Variants in KCNK17 observed in about 807,000 individuals in gnomAD.
The protein encoded by KCNK17 is potassium channel subfamily K member 17.
KCNK17 carries 27 observed loss-of-function variants against 24.6 expected under a neutral mutation model. The ratio of observed to expected loss-of-function variants is 1.10; its 90% confidence interval spans 0.81 to 1.51. The LOEUF is 1.51. KCNK17 is among the 40% of genes most tolerant of loss of function. The probability of loss-of-function intolerance (pLI) is 0.00; values close to 1 mark genes in which losing one functional copy is unlikely to be tolerated. For synonymous variants in KCNK17, 181 were observed against 189.8 expected (o/e 0.95, Z 0.38); for missense variants, 450 against 436.6 (o/e 1.03, Z -0.27).
intron 4 of KCNK17, among the ~76,000 whole-genome samples, chr6:39,302,570 G>C (rs990906353): frequency 5.3e-5 from 8 of 152,168 alleles, no homozygotes; most frequent in African/African-American, 1.9e-4. Flanking sequence ...CTATAGGATT[G>C]TGCAGTGCCC....
chr6:39,309,219 G>A (rs2113839375), intron 2 of KCNK17, among the ~76,000 whole-genome samples: 1 of 152,372 alleles, frequency 6.6e-6, no homozygotes, highest in African/African-American at 2.4e-5. Context: ...AGCTACTTGG[G>A]AGGCTGAGGT....
chr6:39,311,115 C>CAT (rs1762131118), intron 1 of KCNK17, 108 bp from the exon 2 acceptor site: 1 of 509,642 alleles, frequency 2.0e-6, no homozygotes, highest in Non-Finnish European at 3.4e-6. Flanking sequence ...CACACACACA[C>CAT]ACACAAACAA....
At chr6:39,300,557 C>A (rs940763811) in intron 4 of KCNK17, 1 of 1,547,276 alleles carries the variant, frequency 6.5e-7, no homozygotes, top group Non-Finnish European at 8.7e-7. Flanking sequence ...AACAATGGAA[C>A]CATAAGAATA....
At chr6:39,311,851 G>A (rs1028929705) in intron 1 of KCNK17, among the ~76,000 whole-genome samples, 18 of 152,110 alleles carry the variant, frequency 1.2e-4, no homozygotes, top group African/African-American at 4.1e-4. Context: ...AGACTGCCTG[G>A]GACCTAGATT....
intron 4 of KCNK17, 32 bp from the exon 5 acceptor site, chr6:39,299,769 C>T: frequency 1.3e-6 from 2 of 1,597,274 alleles, no homozygotes; most frequent in East Asian, 4.5e-5. Context: ...ACGATGGAGG[C>T]CTGGGAAAGT....
intron 1 of KCNK17, among the ~76,000 whole-genome samples, chr6:39,312,533 C>G (rs961953499): frequency 2.0e-5 from 3 of 152,174 alleles, no homozygotes; most frequent in Non-Finnish European, 4.4e-5. Context: ...TCGTATGTAA[C>G]CTCTCTGAGC....
At chr6:39,300,878 C>T (rs1057231378) in intron 4 of KCNK17, among the ~76,000 whole-genome samples, 3 of 152,194 alleles carry the variant, frequency 2.0e-5, no homozygotes, top group Non-Finnish European at 4.4e-5. Context: ...GACATCACTC[C>T]CTACAGACCA....
chr6:39,301,343 T>C (rs1054678888), intron 4 of KCNK17, among the ~76,000 whole-genome samples: 25 of 152,364 alleles, frequency 1.6e-4, no homozygotes, highest in African/African-American at 5.8e-4. Context: ...TGTCTACTCC[T>C]CATCCTGTCC....
chr6:39,299,828 A>C, intron 4 of KCNK17, 91 bp from the exon 5 acceptor site: 1 of 1,370,032 alleles, frequency 7.3e-7, no homozygotes, highest in Non-Finnish European at 1.0e-6. Flanking sequence ...TTTGATTCAT[A>C]TAAGCAAGTT....
chr6:39,299,195 C>T lies in KCNK17; in HGVS notation c.*232G>A. ...GCCATCATATCGGCGGCATTGCAGC[C>T]CGCTAAAGTAAGGAAGTGGGGGAGA... On this transcript the variant is annotated 3_prime_UTR_variant, in exon 5 of 5. Transcript: ENST00000373231. 1 of 529,856 alleles carries T rather than the reference C, an allele frequency of 1.9e-6. No homozygotes were observed. The highest frequency in any genetic ancestry group is 2.4e-5 in the South Asian group (1 of 41,264). 32.8% of individuals were successfully genotyped at this position (529,856 alleles called of 1,614,324 possible).
Position 39,304,565 on chromosome 6 carries a change from A to T in KCNK17, c.443T>A (p.Leu148His). 1 of 1,614,114 alleles carries T rather than the reference A, an allele frequency of 6.2e-7. No homozygotes were observed. Among genetic ancestry groups the T allele is most frequent in the Non-Finnish European group, 8.5e-7 (1 of 1,179,984 alleles). ...LVGIPLNLVVLNRLGHLMQQG... is the reference protein window; with the variant it reads ...LVGIPLNLVVHNRLGHLMQQG... ...CTGCATGAGATGCCCCAGTCGGTTG[A>T]GCACCACGAGGTTGAGTGGGATCCC... The change falls in exon 3 of 5, where the codon CTC becomes CAC. Residue 148 changes from leucine to histidine, a missense_variant. Transcript: ENST00000373231.
intron 4 of KCNK17, among the ~76,000 whole-genome samples, chr6:39,302,683 G>T (rs563240917): frequency 6.6e-6 from 1 of 152,192 alleles, no homozygotes; most frequent in African/African-American, 2.4e-5. Flanking sequence ...AGCTGCGAGG[G>T]TGCAGGTATG....
Position 39,306,966 on chromosome 6 carries a change from G to A in KCNK17, c.353-2311C>T, listed in dbSNP as rs1385641620. Among the ~76,000 whole-genome samples, 3 of 152,094 alleles carry A rather than the reference G, an allele frequency of 2.0e-5. No homozygotes were observed. In the East Asian group the frequency reaches 5.8e-4, roughly 29 times the overall value. ...TTTAGTAAAGATGGGGTTTCACCAT[G>A]TTGGCCAGGATGGTCTCAATCTCCT... On this transcript the variant is annotated intron_variant, in intron 2 of 4. Transcript: ENST00000373231.
In KCNK17 at chr6:39,311,102, AC is replaced by A. The variant is rs1562084339; in HGVS notation, c.238-96del. ...CACACACACACACACACACACACAC[AC>A]ACACACACACACACACAAACAAACC... On this transcript the variant is annotated intron_variant, in intron 1 of 4. Transcript: ENST00000373231. 918 of 594,138 alleles carry A rather than the reference AC, an allele frequency of 1.5e-3. 8 individuals are homozygous for A. In the African/African-American group the frequency reaches 0.019, roughly 12 times the overall value. The allele number at this position is 594,138 out of a possible 1,614,324, so 36.8% of individuals were successfully genotyped here.
In KCNK17 at chr6:39,299,128, T is replaced by A. The variant is rs938245691; in HGVS notation, c.*299A>T. The A allele has an allele frequency of 2.5e-6, 1 of 399,948 alleles. No homozygotes were observed. 24.8% of individuals were successfully genotyped at this position (399,948 alleles called of 1,614,324 possible). ...CCTATCTTATTGTGCCGCTCAAACA[T>A]TGCCGCTACTTCATGGTGCCGTATG... On this transcript the variant is annotated 3_prime_UTR_variant, in exon 5 of 5. Transcript: ENST00000373231.
At chr6:39,304,362 A>C in intron 3 of KCNK17, 133 bp downstream of exon 3, 1 of 873,920 alleles carries the variant, frequency 1.1e-6, no homozygotes, top group Non-Finnish European at 1.8e-6. Context: ...TATTCTGAGC[A>C]GTGACCCCCA....
At chr6:39,303,798 C>A (rs965550936) in intron 4 of KCNK17, among the ~76,000 whole-genome samples, 159 bp downstream of exon 4, 1 of 152,208 alleles carries the variant, frequency 6.6e-6, no homozygotes, top group African/African-American at 2.4e-5. Flanking sequence ...ACCTCAGACC[C>A]GTCACACAAC....
rs1290222647 is a variant in KCNK17, at chr6:39,314,130, T to G, written c.191A>C (p.Gln64Pro). 4 of 1,596,810 alleles carry G rather than the reference T, an allele frequency of 2.5e-6. No individual in the cohort carries two copies. The highest frequency in any genetic ancestry group is 3.4e-6 in the Non-Finnish European group (4 of 1,174,766). The change falls in exon 1 of 5, where the codon CAG becomes CCG. Residue 64 changes from glutamine to proline, a missense_variant. Transcript: ENST00000373231. ...SFQRDKWELL[Q>P]NFTCLDRPAL... Reference sequence around the variant, plus strand: ...CGGGCGGTCCAGACACGTGAAGTTCTGCAACAGCTCCCACTTGTCGCGCTG... The same window carrying G: ...CGGGCGGTCCAGACACGTGAAGTTCGGCAACAGCTCCCACTTGTCGCGCTG...
At chr6:39,300,953 T>C (rs1449169018) in intron 4 of KCNK17, among the ~76,000 whole-genome samples, 1 of 152,194 alleles carries the variant, frequency 6.6e-6, no homozygotes, top group African/African-American at 2.4e-5. Context: ...GAAAGTTACT[T>C]CCTCATCTGT....
Sources: allele counts gnomAD v4.1 joint callset (sites outside exome capture counted in the v4.1 genomes callset), GRCh38; gene constraint gnomAD v4.1.1; transcripts MANE v1.5; gene names NCBI Gene and HGNC (gene_info 2026-07-23, HGNC 2026-07-21).